Variants in PTPRG observed in about 807,000 individuals in gnomAD.
PTPRG encodes receptor-type tyrosine-protein phosphatase gamma.
Under a neutral mutation model 165.3 loss-of-function variants are expected in PTPRG, and 102 were observed. The observed-to-expected ratio is 0.62, with a 90% CI of 0.53 to 0.73. The LOEUF (loss-of-function observed/expected upper bound fraction) is 0.73. PTPRG is among the 30% of genes least tolerant of loss of function. PTPRG has a pLI of 0.00. For missense variants in PTPRG, 1,866 were observed against 1,861.4 expected (o/e 1.00, Z -0.05); for synonymous variants, 675 against 669.5 (o/e 1.01, Z -0.13).
chr3:62,050,167 A>G (rs1478304366), intron 4 of PTPRG, among the ~76,000 whole-genome samples: 3 of 152,226 alleles, frequency 2.0e-5, no homozygotes, highest in Non-Finnish European at 4.4e-5. Flanking sequence ...TGGTGTGGAG[A>G]ATAATAGAAA....
At chr3:61,898,713 A>G (rs1193542028) in intron 2 of PTPRG, among the ~76,000 whole-genome samples, 1 of 152,232 alleles carries the variant, frequency 6.6e-6, no homozygotes, top group Non-Finnish European at 1.5e-5. Flanking sequence ...CTTTAAATGG[A>G]AAGAACCTTC....
At chr3:62,015,231 T>C (rs1425614083) in intron 4 of PTPRG, among the ~76,000 whole-genome samples, 1 of 152,240 alleles carries the variant, frequency 6.6e-6, no homozygotes, top group Non-Finnish European at 1.5e-5. Context: ...AGAGGCTTTT[T>C]CTTCAGCAGG....
intron 8 of PTPRG, among the ~76,000 whole-genome samples, chr3:62,186,272 G>T (rs1705880878): frequency 6.6e-6 from 1 of 152,148 alleles, no homozygotes; most frequent in African/African-American, 2.4e-5. Context: ...GAATTGTGTG[G>T]CACTGATTTT....
intron 1 of PTPRG, among the ~76,000 whole-genome samples, chr3:61,674,185 A>T (rs895561644): frequency 1.6e-5 from 1 of 61,962 alleles, no homozygotes; most frequent in African/African-American, 1.3e-4. Flanking sequence ...AATAATAATA[A>T]AAAAAAAAAA....
intron 9 of PTPRG, 149 bp downstream of exon 9, chr3:62,191,802 T>C (rs1363897829): frequency 6.8e-6 from 6 of 880,806 alleles, no homozygotes; most frequent in Non-Finnish European, 1.0e-5. Context: ...GCTGCGCTGC[T>C]CGAGAGTGCC....
At chr3:62,069,587 G>A (rs1417278139) in intron 4 of PTPRG, among the ~76,000 whole-genome samples, 2 of 151,840 alleles carry the variant, frequency 1.3e-5, no homozygotes, top group Admixed American at 6.6e-5. Context: ...AATGATTTTA[G>A]GGGGTGTATT....
rs903972183 is a variant in PTPRG, at chr3:62,228,192, G to A, written c.2289-3033G>A. 6.6e-6 allele frequency among the ~76,000 whole-genome samples: 1 copy of A among 152,114 alleles called. No homozygotes were observed. The highest frequency in any genetic ancestry group is 2.4e-5 in the African/African-American group (1 of 41,416). ...GAGAGGGAGCCAAGAAGGATTTCTCGGAGGAGAGAATGTTTGGACTGTATT... is the reference window on the plus strand; with the variant it reads ...GAGAGGGAGCCAAGAAGGATTTCTCAGAGGAGAGAATGTTTGGACTGTATT... On this transcript the variant is annotated intron_variant, in intron 13 of 29. Transcript: ENST00000474889. The surrounding 1 kb of genome is among the most constrained non-coding windows in gnomAD (Gnocchi z 4.1).
intron 1 of PTPRG, among the ~76,000 whole-genome samples, chr3:61,659,037 TCCTGCC>T (rs57281372): frequency 0.14 from 21,017 of 151,764 alleles, 1,512 homozygotes; most frequent in East Asian, 0.17. Context: ...GGCTGTTTTC[TCCTGCC>T]CCTGCCCCTG....
chr3:62,128,270 G>A (rs917395394), intron 5 of PTPRG, among the ~76,000 whole-genome samples: 17 of 152,116 alleles, frequency 1.1e-4, no homozygotes. Flanking sequence ...GCTCATTTGT[G>A]CAATTGCTGC....
In PTPRG at chr3:62,167,958, G is replaced by T. The variant is rs562501588; in HGVS notation, c.841-13G>T. 2 of 1,605,348 alleles carry T rather than the reference G, an allele frequency of 1.2e-6. No individual in the cohort carries two copies. The highest frequency in any genetic ancestry group is 1.7e-5 in the Admixed American group (1 of 59,908). Reference sequence around the variant, plus strand: ...TTTTTTTTTCCCCCTCCCCTCTCTGGTCCTCTGTTCAGCTTGAGGCTTTTT... The same window carrying T: ...TTTTTTTTTCCCCCTCCCCTCTCTGTTCCTCTGTTCAGCTTGAGGCTTTTT... On this transcript the variant is annotated splice_polypyrimidine_tract_variant and intron_variant, in intron 7 of 29. Coordinates refer to ENST00000474889, the MANE Select transcript of PTPRG (RefSeq NM_002841.4).
chr3:61,579,067 C>T (rs1700225847), intron 1 of PTPRG, among the ~76,000 whole-genome samples: 1 of 152,150 alleles, frequency 6.6e-6, no homozygotes, highest in Admixed American at 6.5e-5. Context: ...CTGTGAGTGT[C>T]CACATGGGAG....
chr3:62,018,920 T>C (rs1396406497), intron 4 of PTPRG, among the ~76,000 whole-genome samples: 1 of 152,176 alleles, frequency 6.6e-6, no homozygotes, highest in Non-Finnish European at 1.5e-5. Context: ...ATGATTGGAA[T>C]GGACAGTGGT....
chr3:62,150,356 A>C (rs1704285127), intron 6 of PTPRG, among the ~76,000 whole-genome samples: 1 of 152,228 alleles, frequency 6.6e-6, no homozygotes, highest in Non-Finnish European at 1.5e-5. Context: ...ACCCTTTGAT[A>C]CAGTCCCTGT....
At chr3:61,707,631 C>G (rs994794442) in intron 1 of PTPRG, among the ~76,000 whole-genome samples, 1 of 152,204 alleles carries the variant, frequency 6.6e-6, no homozygotes, top group African/African-American at 2.4e-5. Flanking sequence ...GTGCTTTTTA[C>G]TCAGTCTATC....
intron 3 of PTPRG, among the ~76,000 whole-genome samples, chr3:61,991,467 A>G (rs1243645853): frequency 3.3e-5 from 5 of 152,112 alleles, no homozygotes; most frequent in African/African-American, 4.8e-5. Context: ...CGACCTCCCA[A>G]AGTGCTGGGA....
chr3:62,195,075 G>A lies in PTPRG; in HGVS notation c.1232G>A (p.Ser411Asn). The A allele has an allele frequency of 6.2e-7, 1 of 1,614,122 alleles. No individual in the cohort carries two copies. The highest frequency in any genetic ancestry group is 8.5e-7 in the Non-Finnish European group (1 of 1,180,002). ...DSDKDLKATISHVSPDSLYLF... is the reference protein window; with the variant it reads ...DSDKDLKATINHVSPDSLYLF... ...CTTTACTTACAGAAAGCCACCATTA[G>A]CCATGTCTCACCCGATAGCCTTTAC... The change falls in exon 10 of 30, where the codon AGC becomes AAC. Residue 411 changes from serine (S) to asparagine (N), a missense_variant. By Grantham distance (46) the Ser-to-Asn change is conservative. This residue lies in a region of PTPRG where 1,452 missense variants were observed against 1,463.0 expected (regional missense o/e 0.99). Coordinates refer to ENST00000474889, the MANE Select transcript of PTPRG (RefSeq NM_002841.4). This position sits in a 1 kb window ranked among gnomAD's most constrained non-coding sequence, Gnocchi z 4.4.
chr3:62,183,980 G>A (rs1705766871), intron 8 of PTPRG, among the ~76,000 whole-genome samples: 2 of 152,190 alleles, frequency 1.3e-5, no homozygotes, highest in Admixed American at 1.3e-4. Flanking sequence ...ATACATGACT[G>A]CTCCATGGAG....
chr3:61,938,972 G>C (rs899375612), intron 2 of PTPRG, among the ~76,000 whole-genome samples: 1 of 152,108 alleles, frequency 6.6e-6, no homozygotes, highest in African/African-American at 2.4e-5. Context: ...AGTAGATTCA[G>C]ACATCAATCA....
rs983337710 is a variant in PTPRG at position 62,082,959 on chromosome 3, T to A, written c.615+4701T>A. On this transcript the variant is annotated intron_variant, in intron 5 of 29. Transcript: ENST00000474889. The stretch of plus-strand genomic sequence containing the variant: ...TCATGCAGATCACCTTTGGGTTTGT[T>A]CCCTATCGAAAGCATAGGGGAACAA... 5.9e-5 allele frequency among the ~76,000 whole-genome samples: 9 copies of A among 152,302 alleles called. No individual in the cohort carries two copies. In the South Asian group the frequency reaches 6.2e-4, roughly 11 times the overall value.
Sources: allele counts gnomAD v4.1 joint callset (sites outside exome capture counted in the v4.1 genomes callset), GRCh38; gene constraint gnomAD v4.1.1; regional missense constraint gnomAD v4.1.1; non-coding constraint Gnocchi (gnomAD v3.1); transcripts MANE v1.5; gene names NCBI Gene and HGNC (gene_info 2026-07-23, HGNC 2026-07-21).